The following ZC3HAV1 variants were observed in gnomAD, a reference collection of about 807,000 sequenced individuals.
ZC3HAV1 encodes the protein zinc finger CCCH-type containing, antiviral 1.
A neutral mutation model predicts 86.6 loss-of-function variants in ZC3HAV1; 41 were observed. The observed-to-expected ratio is 0.47, with a 90% CI of 0.37 to 0.61. The LOEUF is 0.61. ZC3HAV1 is among the 20% of genes least tolerant of loss of function. The probability of loss-of-function intolerance (pLI) is 0.00; values close to 1 mark genes in which losing one functional copy is unlikely to be tolerated. For synonymous variants in ZC3HAV1, 421 were observed against 432.1 expected (o/e 0.97, Z 0.32); for missense variants, 964 against 1,141.1 (o/e 0.84, Z 2.24).
intron 2 of ZC3HAV1, among the ~76,000 whole-genome samples, chr7:139,084,341 A>C (rs1817217033): frequency 6.6e-6 from 1 of 152,234 alleles, no homozygotes; most frequent in Non-Finnish European, 1.5e-5. Flanking sequence ...AACCCAGCAC[A>C]GGAAGGCTCA....
rs746250062 is a variant in ZC3HAV1 at position 139,054,038 on chromosome 7, C to T, written c.2245G>A (p.Ala749Thr). Residue 749 changes from alanine (A) to threonine (T), a missense_variant, in exon 11 of 13, where the codon GCT becomes ACT. Coordinates refer to ENST00000242351, the MANE Select transcript of ZC3HAV1 (RefSeq NM_020119.4). ...EYVRVSEHFK[A>T]SMKNFKIEKI... Reference sequence around the variant, plus strand: ...TCAATCTTGAAATTTTTCATGGAAGCTTTAAAATGCTCACTTACTCTGACA... The same window carrying T: ...TCAATCTTGAAATTTTTCATGGAAGTTTTAAAATGCTCACTTACTCTGACA... 7 of 1,607,518 alleles carry T rather than the reference C, an allele frequency of 4.4e-6. No individual in the cohort carries two copies. In the South Asian group the frequency reaches 7.9e-5, roughly 18 times the overall value.
chr7:139,057,928 G>A (rs192973739), intron 9 of ZC3HAV1, among the ~76,000 whole-genome samples: 1 of 152,306 alleles, frequency 6.6e-6, no homozygotes. Context: ...ATTGGCCCCA[G>A]TTTATCTCTA....
At chr7:139,087,076 G>A (rs538747748) in intron 2 of ZC3HAV1, among the ~76,000 whole-genome samples, 11 of 152,290 alleles carry the variant, frequency 7.2e-5, no homozygotes, top group South Asian at 6.2e-4. Context: ...CTGAAGCAGC[G>A]ATCAGACATG....
intron 12 of ZC3HAV1, among the ~76,000 whole-genome samples, chr7:139,050,939 AC>A (rs528542047): frequency 1.6e-4 from 25 of 152,152 alleles, no homozygotes; most frequent in South Asian, 8.3e-4. Context: ...TTATGGTCAT[AC>A]CTTGTTCCAT....
intron 1 of ZC3HAV1, among the ~76,000 whole-genome samples, chr7:139,104,638 G>A (rs192585780): frequency 6.9e-6 from 1 of 145,828 alleles, no homozygotes; most frequent in Non-Finnish European, 1.5e-5. Context: ...CAGGAGAATC[G>A]CTTGAACCGG....
chr7:139,076,718 C>T, intron 5 of ZC3HAV1, among the ~76,000 whole-genome samples: 1 of 151,960 alleles, frequency 6.6e-6, no homozygotes, highest in East Asian at 1.9e-4. Flanking sequence ...ATGGTGAAAT[C>T]CTGTCTCTAC....
intron 12 of ZC3HAV1, among the ~76,000 whole-genome samples, chr7:139,049,215 T>C (rs1816053715): frequency 6.7e-6 from 1 of 149,304 alleles, no homozygotes; most frequent in South Asian, 2.2e-4. Context: ...AGTGGTGCAA[T>C]CTTGGCTCAC....
At chr7:139,050,492 C>A (rs557781421) in intron 12 of ZC3HAV1, among the ~76,000 whole-genome samples, 1 of 152,166 alleles carries the variant, frequency 6.6e-6, no homozygotes, top group South Asian at 2.1e-4. Flanking sequence ...CTCAGCCTCT[C>A]GAGTAGCTAG....
chr7:139,060,543 A>G (rs565551673), intron 9 of ZC3HAV1: 3 of 998,050 alleles, frequency 3.0e-6, no homozygotes, highest in South Asian at 4.3e-5. Context: ...AAGACACCCA[A>G]AAGAATCCAC....
rs1303429935 is a variant in ZC3HAV1 at position 139,043,944 on chromosome 7, T to C, written c.*3650A>G. On this transcript the variant is annotated 3_prime_UTR_variant, in exon 13 of 13. Coordinates refer to ENST00000242351, the MANE Select transcript of ZC3HAV1 (RefSeq NM_020119.4). ...GTGGTTCTCACTGTGGTCAGTGGGT[T>C]ATTGGTGGTTTCATAATAACTGGGG... The C allele has an allele frequency of 6.6e-6, 1 of 152,050 alleles. No individual in the cohort carries two copies. Among genetic ancestry groups the C allele is most frequent in the Admixed American group, 6.5e-5 (1 of 15,274 alleles). The allele number at this position is 152,050 out of a possible 1,614,324, so 9.4% of individuals were successfully genotyped here.
At chr7:139,061,186 T>A (rs1161244395) in intron 8 of ZC3HAV1, 48 bp from the exon 9 acceptor site, 1 of 1,571,178 alleles carries the variant, frequency 6.4e-7, no homozygotes, top group African/African-American at 1.4e-5. Flanking sequence ...AGATCAGCCC[T>A]AGAAAATGAC....
intron 1 of ZC3HAV1, among the ~76,000 whole-genome samples, chr7:139,096,980 G>A (rs1383437126): frequency 6.6e-6 from 1 of 151,588 alleles, no homozygotes; most frequent in Admixed American, 6.6e-5. Context: ...GAAGTTAGCC[G>A]GGCATGGTGG....
intron 9 of ZC3HAV1, among the ~76,000 whole-genome samples, chr7:139,056,414 T>TC (rs1816285622): frequency 1.2e-5 from 1 of 80,340 alleles, no homozygotes; most frequent in Non-Finnish European, 2.4e-5. Context: ...TCTTTTCTTT[T>TC]CTTTTTTTTT....
At chr7:139,077,136 A>C (rs1816975590) in intron 5 of ZC3HAV1, among the ~76,000 whole-genome samples, 1 of 152,054 alleles carries the variant, frequency 6.6e-6, no homozygotes, top group South Asian at 2.1e-4. Flanking sequence ...TCTGACTTGT[A>C]TTTTTTGCAT....
chr7:139,073,997 C>A lies in ZC3HAV1; in HGVS notation c.1731G>T (p.Arg577=). The part of the protein sequence containing the change: ...CSVGSYTINF[R]VMSCDSFPIR... ...TGGGAAAGGAATCACAACTCATTAC[C>A]CGAAAATTGATTGTATAACTTCCTA... Residue 577 remains arginine, a synonymous_variant, in exon 7 of 13, where the codon CGG becomes CGT. Transcript: ENST00000242351. 6.2e-7 allele frequency: 1 copy of A among 1,613,258 alleles called. No homozygotes were observed. The highest frequency in any genetic ancestry group is 8.5e-7 in the Non-Finnish European group (1 of 1,179,484).
At chr7:139,096,922 T>G (rs1817605515) in intron 1 of ZC3HAV1, among the ~76,000 whole-genome samples, 2 of 151,874 alleles carry the variant, frequency 1.3e-5, no homozygotes, top group Non-Finnish European at 2.9e-5. Flanking sequence ...AGCTTGAGCT[T>G]AGGAATTCAA....
rs770127819 is a variant in ZC3HAV1 at position 139,054,059 on chromosome 7, T to C, written c.2224A>G (p.Arg742Gly). 1.3e-6 allele frequency: 2 copies of C among 1,599,988 alleles called. No homozygotes were observed. The highest frequency in any genetic ancestry group is 1.8e-5 in the Admixed American group (1 of 55,904). Residue 742 changes from arginine (R) to glycine (G), a missense_variant, in exon 11 of 13, where the codon AGA becomes GGA. Arg to Gly is a moderately radical substitution (Grantham distance 125, BLOSUM62 -2). Transcript: ENST00000242351. The part of the protein sequence containing the change: ...EIHHLHPEYV[R>G]VSEHFKASMK... ...GAAGCTTTAAAATGCTCACTTACTC[T>C]GACATATTCTGGATGTAGGTGATGG...
At chr7:139,065,051 T>G in intron 7 of ZC3HAV1, 52 bp from the exon 8 acceptor site, 1 of 1,608,492 alleles carries the variant, frequency 6.2e-7, no homozygotes, top group East Asian at 2.2e-5. Flanking sequence ...TTAGGAAATC[T>G]CTACTGTTAT....
rs1815923198 is a variant in ZC3HAV1 at position 139,045,231 on chromosome 7, A to C, written c.*2363T>G. ...GATGTATTTCTATTTGTCGTTTAGAAAAAAAAAGGCAGAAATGCCCATTGA... is the reference window on the plus strand; with the variant it reads ...GATGTATTTCTATTTGTCGTTTAGACAAAAAAAGGCAGAAATGCCCATTGA... On this transcript the variant is annotated 3_prime_UTR_variant, in exon 13 of 13. Transcript: ENST00000242351. 1 of 152,110 alleles carries C rather than the reference A, an allele frequency of 6.6e-6. No individual in the cohort carries two copies. The highest frequency in any genetic ancestry group is 2.1e-4 in the South Asian group (1 of 4,832). The allele number at this position is 152,110 out of a possible 1,614,324, so 9.4% of individuals were successfully genotyped here. A position where few individuals can be genotyped will look rare whatever the true frequency, so the allele number is the denominator to read the frequency against.
Sources: allele counts gnomAD v4.1 joint callset (sites outside exome capture counted in the v4.1 genomes callset), GRCh38; gene constraint gnomAD v4.1.1; transcripts MANE v1.5; gene names NCBI Gene and HGNC (gene_info 2026-07-23, HGNC 2026-07-21).